ENTPD5: variants seen among roughly 807,000 people sequenced by gnomAD.
The protein encoded by ENTPD5 is ectonucleoside triphosphate diphosphohydrolase 5 (inactive).
Under a neutral mutation model 60.2 loss-of-function variants are expected in ENTPD5, and 49 were observed. That is an observed-to-expected ratio of 0.81 (90% CI 0.65 to 1.03). ENTPD5 has a LOEUF of 1.03. ENTPD5 is among the 50% of genes least tolerant of loss of function. The pLI, the probability that ENTPD5 is intolerant of heterozygous loss-of-function variation, is 0.00. For missense variants in ENTPD5, 480 were observed against 507.6 expected, an observed-to-expected ratio of 0.95 and a Z score of 0.52; for synonymous variants, 187 against 185.4, an observed-to-expected ratio of 1.01 and a Z score of -0.07.
intron 2 of ENTPD5, among the ~76,000 whole-genome samples, chr14:74,014,598 G>A (rs1204065115): frequency 6.6e-6 from 1 of 152,046 alleles, no homozygotes; most frequent in Non-Finnish European, 1.5e-5. Context: ...AACATATCTT[G>A]TATATAAGTA....
chr14:74,004,216 G>T (rs2058600566), intron 3 of ENTPD5, among the ~76,000 whole-genome samples: 1 of 152,006 alleles, frequency 6.6e-6, no homozygotes, highest in Non-Finnish European at 1.5e-5. Context: ...TGCCCAGGTT[G>T]CAGTGCAGTG....
intron 3 of ENTPD5, among the ~76,000 whole-genome samples, chr14:74,008,764 C>T (rs2058756927): frequency 6.6e-6 from 1 of 152,032 alleles, no homozygotes; most frequent in South Asian, 2.1e-4. Flanking sequence ...CTCCTGAGTT[C>T]TAGTGATCCT....
At chr14:73,990,676 T>C (rs530371095) in intron 3 of ENTPD5, among the ~76,000 whole-genome samples, 2 of 152,132 alleles carry the variant, frequency 1.3e-5, no homozygotes, top group African/African-American at 2.4e-5. Flanking sequence ...AGGGTTTTTT[T>C]CCATCATTCT....
At chr14:74,018,823 T>G (rs756158697) in intron 1 of ENTPD5, 2 of 152,366 alleles carry the variant, frequency 1.3e-5, no homozygotes, top group Middle Eastern at 3.4e-3. Context: ...AGTCCTCGAC[T>G]GCCTATCAAA....
downstream of ENTPD5, chr14:73,956,332 A>G: frequency 5.2e-6 from 1 of 191,864 alleles, no homozygotes; most frequent in South Asian, 1.1e-4. Context: ...CGTCTCAAAA[A>G]AAAAAAAAAA....
chr14:74,016,886 T>C (rs1295987518), intron 1 of ENTPD5, among the ~76,000 whole-genome samples: 1 of 152,228 alleles, frequency 6.6e-6, no homozygotes, highest in African/African-American at 2.4e-5. Flanking sequence ...TTATCAACAG[T>C]GTGCTTTTTC....
At chr14:73,971,798 G>C in intron 14 of ENTPD5, 54 bp downstream of exon 14, 1 of 1,229,308 alleles carries the variant, frequency 8.1e-7, no homozygotes, top group South Asian at 1.2e-5. Flanking sequence ...TAGGTCACTA[G>C]AGTAGGCAGG....
At chr14:73,996,168 T>TGCTCCTGTTTCAGCTCTTC (rs1184791538) in intron 3 of ENTPD5, 2 of 985,274 alleles carry the variant, frequency 2.0e-6, no homozygotes, top group Admixed American at 1.2e-4. Context: ...TTTTGCTCTT[T>TGCTCCTGTTTCAGCTCTTC]GCTCCTGTTT....
chr14:73,975,910 T>C (rs1433517999), intron 10 of ENTPD5, 26 bp downstream of exon 10: 3 of 1,523,108 alleles, frequency 2.0e-6, no homozygotes, highest in Non-Finnish European at 2.7e-6. Flanking sequence ...ACATGAAATA[T>C]TCTTCTTCCC....
chr14:73,970,122 CA>C lies in ENTPD5; in HGVS notation c.1087del (p.Cys363ValfsTer25). 1 of 1,607,332 alleles carries C rather than the reference CA, an allele frequency of 6.2e-7. No individual in the cohort carries two copies. Among genetic ancestry groups the C allele is most frequent in the Non-Finnish European group, 8.5e-7 (1 of 1,173,964 alleles). ...TGAGGTGAAGTTTTCCAAGTTATCA[CA>C]CACTGAAAGAGAGAGTAAACAGTGG... The part of the protein sequence containing the change: ...EDFERKAREV[C>X]DNLENFTSGS... On this transcript the variant is annotated frameshift_variant and splice_region_variant, in exon 15 of 16. Transcript: ENST00000334696. LOFTEE classifies it high-confidence loss of function.
chr14:74,001,160 C>T (rs1477223394), intron 3 of ENTPD5, among the ~76,000 whole-genome samples: 1 of 151,946 alleles, frequency 6.6e-6, no homozygotes, highest in Non-Finnish European at 1.5e-5. Flanking sequence ...GAGTTTGAGA[C>T]TAGCCTGGGC....
rs978196249 is a variant in ENTPD5 at position 73,987,998 on chromosome 14, C to T, written c.105G>A (p.Leu35=). 2.2e-5 allele frequency: 36 copies of T among 1,614,032 alleles called. No individual in the cohort carries two copies. Among genetic ancestry groups the T allele is most frequent in the Admixed American group, 2.0e-4 (12 of 59,978 alleles). Residue 35 remains leucine, a synonymous_variant, in exon 4 of 16, where the codon CTG becomes CTA. Transcript: ENST00000334696. ...NQQTWFEGIF[L]SSMCPINVSA... ...TGACATTGATGGGGCACATGGAAGA[C>T]AGGAAGATACCCTCAAACCAAGTCT... is the stretch of plus-strand genomic sequence containing the variant.
At chr14:74,013,811 T>C (rs1235565731) in intron 2 of ENTPD5, among the ~76,000 whole-genome samples, 2 of 152,234 alleles carry the variant, frequency 1.3e-5, no homozygotes, top group Admixed American at 6.5e-5. Context: ...CAGGCTGTTA[T>C]ACAGTTGGTA....
intron 14 of ENTPD5, among the ~76,000 whole-genome samples, chr14:73,971,283 G>T (rs960742878): frequency 2.6e-5 from 4 of 151,454 alleles, no homozygotes; most frequent in African/African-American, 9.7e-5. Context: ...TCAGCCTCCC[G>T]AGTAGCTGGG....
chr14:73,987,672 C>CA (rs1338160116), intron 4 of ENTPD5, among the ~76,000 whole-genome samples: 2 of 148,138 alleles, frequency 1.4e-5, no homozygotes, highest in South Asian at 2.1e-4. Context: ...GACCTTGTCT[C>CA]AAAAAAAAAG....
intron 1 of ENTPD5, among the ~76,000 whole-genome samples, chr14:74,016,330 A>G (rs755633635): frequency 1.6e-4 from 25 of 152,340 alleles, no homozygotes; most frequent in Non-Finnish European, 2.5e-4. Context: ...AATAAAAAAT[A>G]TATATAATAC....
intron 3 of ENTPD5, among the ~76,000 whole-genome samples, chr14:74,002,473 C>G (rs535243220): frequency 2.0e-5 from 3 of 151,612 alleles, no homozygotes; most frequent in African/African-American, 7.3e-5. Flanking sequence ...CACTATGTTA[C>G]CCAGGCTGGT....
chr14:73,991,608 CAAA>C (rs67647627), intron 3 of ENTPD5, among the ~76,000 whole-genome samples: 1 of 68,544 alleles, frequency 1.5e-5, no homozygotes, highest in Non-Finnish European at 3.0e-5. Context: ...AAACAATAAC[CAAA>C]AAAAAAAAAA....
At chr14:73,984,636 T>C (rs1268127025) in intron 5 of ENTPD5, among the ~76,000 whole-genome samples, 1 of 152,176 alleles carries the variant, frequency 6.6e-6, no homozygotes, top group African/African-American at 2.4e-5. Context: ...AAATGCCAAG[T>C]CAGTTTCTAA....
Sources: allele counts gnomAD v4.1 joint callset (sites outside exome capture counted in the v4.1 genomes callset), GRCh38; gene constraint gnomAD v4.1.1; transcripts MANE v1.5; gene names NCBI Gene and HGNC (gene_info 2026-07-23, HGNC 2026-07-21).